The following PIGX variants were observed in gnomAD, a reference collection of about 807,000 sequenced individuals.
PIGX encodes phosphatidylinositol glycan anchor biosynthesis class X, also known as GPI alpha-1,4-mannosyltransferase I, stabilizing subunit.
In PIGX, 24 loss-of-function variants were observed where a neutral mutation model predicts 28.7. That is an observed-to-expected ratio of 0.84 (90% confidence interval 0.60 to 1.17). PIGX has a LOEUF of 1.17. Among genes scored for constraint, PIGX ranks in the 50% most tolerant of loss-of-function variants. The pLI is 0.00. For synonymous variants in PIGX, 127 were observed against 121.0 expected, an observed-to-expected ratio of 1.05 and a Z score of -0.33; for missense variants, 305 against 317.8, an observed-to-expected ratio of 0.96 and a Z score of 0.31.
chr3:196,732,375 G>A lies in PIGX; in HGVS notation c.633+1283G>A, dbSNP rs1402685200. ...CGGCTCACCACAACCTCCGCCTCCC[G>A]GGTTCAAGTCATTCTCCTGCCTCAG... On this transcript the variant is annotated intron_variant, in intron 5 of 5. Coordinates refer to ENST00000392391, the MANE Select transcript of PIGX (RefSeq NM_017861.4). 6.9e-5 allele frequency among the ~76,000 whole-genome samples: 10 copies of A among 145,330 alleles called. No individual in the cohort carries two copies. In the East Asian group the frequency reaches 1.2e-3, roughly 18 times the overall value.
chr3:196,713,772 G>A (rs545979204), intron 1 of PIGX, among the ~76,000 whole-genome samples: 2 of 151,462 alleles, frequency 1.3e-5, no homozygotes, highest in East Asian at 3.9e-4. Context: ...GGGAGGCGGA[G>A]GTTGCAGTGA....
chr3:196,712,618 C>T lies in PIGX; in HGVS notation c.86C>T (p.Ala29Val). The change falls in exon 1 of 6, where the codon GCC (alanine) becomes GTC (valine). Residue 29 changes from alanine (A) to valine (V), a missense_variant. Physicochemically the swap from Ala to Val is moderately conservative, Grantham distance 64. Coordinates refer to ENST00000392391, the MANE Select transcript of PIGX (RefSeq NM_017861.4). ...GGGCTCACGCGCGGGCCCGCCGCGG[C>T]CTTCACCGCCGCGCGCTCTGACGCC... 3.4e-6 allele frequency: 4 copies of T among 1,190,038 alleles called. No individual in the cohort carries two copies. Among genetic ancestry groups the T allele is most frequent in the Non-Finnish European group, 4.2e-6 (4 of 960,958 alleles). The allele number at this position is 1,190,038 out of a possible 1,614,324, so 73.7% of individuals were successfully genotyped here.
intron 3 of PIGX, among the ~76,000 whole-genome samples, chr3:196,724,221 G>C (rs1335447059): frequency 6.6e-6 from 1 of 151,878 alleles, no homozygotes; most frequent in Non-Finnish European, 1.5e-5. Flanking sequence ...CACAATGTTG[G>C]CCTGGCTGAT....
chr3:196,726,799 A>G, intron 3 of PIGX: 4 of 394,734 alleles, frequency 1.0e-5, no homozygotes, highest in East Asian at 7.5e-5. Context: ...CTACTCATGA[A>G]AAAGAAATAA....
intron 3 of PIGX, among the ~76,000 whole-genome samples, chr3:196,723,644 G>A (rs1245382574): frequency 6.7e-6 from 1 of 150,146 alleles, no homozygotes; most frequent in African/African-American, 2.5e-5. Flanking sequence ...AATTATTGTG[G>A]GTACGCAGTA....
chr3:196,732,413 C>A (rs1393401652), intron 5 of PIGX, among the ~76,000 whole-genome samples: 7 of 149,668 alleles, frequency 4.7e-5, no homozygotes, highest in Non-Finnish European at 8.9e-5. Context: ...TCCTGAGTAG[C>A]TGGGACTATA....
chr3:196,712,714 G>GC, intron 1 of PIGX, 70 bp downstream of exon 1: 1 of 1,139,204 alleles, frequency 8.8e-7, no homozygotes, highest in East Asian at 4.3e-5. Flanking sequence ...TCGGCGGGTT[G>GC]CGGGGATGTG....
intron 1 of PIGX, among the ~76,000 whole-genome samples, chr3:196,716,342 A>G (rs1360229114): frequency 6.6e-6 from 1 of 152,052 alleles, no homozygotes; most frequent in East Asian, 1.9e-4. Flanking sequence ...GTAGGCATGG[A>G]TGTTAGAATA....
rs193159307 is a variant in PIGX, at chr3:196,728,655, A to G, written c.532+519A>G. On this transcript the variant is annotated intron_variant, in intron 4 of 5. Coordinates refer to ENST00000392391, the MANE Select transcript of PIGX (RefSeq NM_017861.4). ...GTTGGTCATAGCTGGGGTTTTGCTA[A>G]TTGGACTCATGTTCCTCATACTTCT... The G allele has an allele frequency of 4.0e-5, 31 of 766,286 alleles. No individual in the cohort carries two copies. In the African/African-American group the frequency reaches 5.2e-4, roughly 13 times the overall value. The allele number at this position is 766,286 out of a possible 1,614,324, so 47.5% of individuals were successfully genotyped here.
chr3:196,718,328 G>C lies in PIGX; in HGVS notation c.176+1407G>C, dbSNP rs568352999. Among the ~76,000 whole-genome samples the C allele has an allele frequency of 2.5e-3, 374 of 152,114 alleles. 4 individuals are homozygous for C. Among genetic ancestry groups the C allele is most frequent in the African/African-American group, 8.4e-3 (349 of 41,514 alleles). On this transcript the variant is annotated intron_variant, in intron 2 of 5. Transcript: ENST00000392391. ...AACTCCGTCTGAAGAAAAAAAAAAGGGGGGGAAGGGTATAGTTATTTCACC... is the reference window on the plus strand; with the variant it reads ...AACTCCGTCTGAAGAAAAAAAAAAGCGGGGGAAGGGTATAGTTATTTCACC...
At chr3:196,724,299 G>C (rs1028698446) in intron 3 of PIGX, among the ~76,000 whole-genome samples, 24 of 152,118 alleles carry the variant, frequency 1.6e-4, no homozygotes, top group Non-Finnish European at 3.1e-4. Flanking sequence ...ACAGGCATGA[G>C]CCACCGGCCA....
intron 3 of PIGX, among the ~76,000 whole-genome samples, chr3:196,727,589 A>G (rs1247176190): frequency 6.6e-6 from 1 of 152,178 alleles, no homozygotes. Context: ...GAATAATGCT[A>G]TATTCACAAA....
At chr3:196,715,459 C>T (rs889155443) in intron 1 of PIGX, among the ~76,000 whole-genome samples, 3 of 152,110 alleles carry the variant, frequency 2.0e-5, no homozygotes, top group Non-Finnish European at 4.4e-5. Flanking sequence ...TGCTATAGAT[C>T]GTGAAAGTTA....
chr3:196,730,598 A>ATTAGCTGGGTGCAATGG (rs1388402869), intron 4 of PIGX, among the ~76,000 whole-genome samples: 1 of 151,852 alleles, frequency 6.6e-6, no homozygotes, highest in Non-Finnish European at 1.5e-5. Context: ...AAATACAAAA[A>ATTAGCTGGGTGCAATGG]TTAGCTGGGT....
rs60317348 is a variant in PIGX at position 196,735,294 on chromosome 3, C to CAAAAAAAAAAAAAAAAAAAAA, written c.*1402_*1422dup. On this transcript the variant is annotated 3_prime_UTR_variant, in exon 6 of 6. Transcript: ENST00000392391. ...TGGGCGACAGAGTGAGACTCTGTCT[C>CAAAAAAAAAAAAAAAAAAAAA]AAAAAAAAAAAAAAAAAAAAAAAAA... The CAAAAAAAAAAAAAAAAAAAAA allele has an allele frequency of 1.8e-4, 8 of 45,232 alleles. No individual in the cohort carries two copies. Among genetic ancestry groups the CAAAAAAAAAAAAAAAAAAAAA allele is most frequent in the Admixed American group, 6.8e-4 (2 of 2,922 alleles). 2.8% of individuals were successfully genotyped at this position (45,232 alleles called of 1,614,324 possible). A position where few individuals can be genotyped will look rare whatever the true frequency, so the allele number is the denominator to read the frequency against.
chr3:196,724,738 G>C (rs958395763), intron 3 of PIGX, among the ~76,000 whole-genome samples: 4 of 152,156 alleles, frequency 2.6e-5, no homozygotes, highest in African/African-American at 9.7e-5. Flanking sequence ...TAAATATATG[G>C]AATTTGATGC....
chr3:196,727,077 G>C (rs895614200), intron 3 of PIGX, among the ~76,000 whole-genome samples: 3 of 152,164 alleles, frequency 2.0e-5, no homozygotes, highest in Non-Finnish European at 4.4e-5. Flanking sequence ...GGAAAGTTAG[G>C]ATGCTTGATG....
At position 196,712,529 on chromosome 3, in the gene PIGX, C is replaced by T. The variant is rs1166579354; in HGVS notation, c.-4C>T. On this transcript the variant is annotated 5_prime_UTR_variant, in exon 1 of 6. Transcript: ENST00000392391. ...CCCCTCTCGGGCGTCCGGCTTCCGG[C>T]GTCCTGGCGGCTCGGGTGGCGGCGG... 3 of 1,161,244 alleles carry T rather than the reference C, an allele frequency of 2.6e-6. No homozygotes were observed. The highest frequency in any genetic ancestry group is 9.3e-5 in the Admixed American group (2 of 21,466). The allele number at this position is 1,161,244 out of a possible 1,614,324, so 71.9% of individuals were successfully genotyped here.
chr3:196,719,668 T>C (rs1712234836), intron 2 of PIGX, among the ~76,000 whole-genome samples: 2 of 152,218 alleles, frequency 1.3e-5, no homozygotes, highest in Non-Finnish European at 2.9e-5. Context: ...TCACATATTT[T>C]ACTTTATTTT....
Sources: allele counts gnomAD v4.1 joint callset (sites outside exome capture counted in the v4.1 genomes callset), GRCh38; gene constraint gnomAD v4.1.1; transcripts MANE v1.5; gene names NCBI Gene and HGNC (gene_info 2026-07-23, HGNC 2026-07-21).